Variants in NCAPD3 observed in about 807,000 individuals in gnomAD.
NCAPD3 encodes non-SMC condensin II complex subunit D3, also known as condensin-2 complex subunit D3.
NCAPD3 carries 105 observed loss-of-function variants against 182.9 expected under a neutral mutation model. That is an observed-to-expected ratio of 0.57 (90% CI 0.49 to 0.68). The LOEUF (loss-of-function observed/expected upper bound fraction) is 0.68, where lower values mean the gene tolerates loss of function less well. NCAPD3 is among the 30% of genes least tolerant of loss of function. The pLI is 0.00. For synonymous variants in NCAPD3, 815 were observed against 679.9 expected (o/e 1.20, Z -3.09); for missense variants, 1,944 against 1,837.0 (o/e 1.06, Z -1.07).
chr11:134,155,134 C>A (rs1043907977), intron 32 of NCAPD3, among the ~76,000 whole-genome samples: 1 of 152,182 alleles, frequency 6.6e-6, no homozygotes, highest in Non-Finnish European at 1.5e-5. Context: ...GTAACAGGGA[C>A]TTGCTAAAAC....
intron 28 of NCAPD3, among the ~76,000 whole-genome samples, chr11:134,160,527 T>A (rs1210111922): frequency 6.6e-6 from 1 of 152,180 alleles, no homozygotes. Context: ...CTGTCTACAT[T>A]AGCCTCCCCA....
intron 3 of NCAPD3, among the ~76,000 whole-genome samples, chr11:134,211,197 G>A (rs1304181093): frequency 1.3e-5 from 2 of 152,160 alleles, no homozygotes; most frequent in Non-Finnish European, 1.5e-5. Context: ...GGCTAAACCC[G>A]ATATAGCATA....
intron 27 of NCAPD3, among the ~76,000 whole-genome samples, chr11:134,162,108 G>A (rs1220606503): frequency 1.3e-5 from 2 of 152,048 alleles, no homozygotes; most frequent in Non-Finnish European, 2.9e-5. Context: ...GATAGGGTGG[G>A]GACAAATACT....
At chr11:134,176,730 C>A (rs1187118458) in intron 23 of NCAPD3, among the ~76,000 whole-genome samples, 2 of 152,218 alleles carry the variant, frequency 1.3e-5, no homozygotes, top group African/African-American at 2.4e-5. Flanking sequence ...ATAGGCCAAA[C>A]ATGGGCTCTC....
chr11:134,174,906 C>A (rs1944122505), intron 24 of NCAPD3, among the ~76,000 whole-genome samples: 1 of 152,170 alleles, frequency 6.6e-6, no homozygotes, highest in Non-Finnish European at 1.5e-5. Context: ...AGAGAACAGA[C>A]TAACTTAAAT....
At chr11:134,174,467 A>G (rs895843466) in intron 24 of NCAPD3, among the ~76,000 whole-genome samples, 5 of 151,802 alleles carry the variant, frequency 3.3e-5, no homozygotes, top group African/African-American at 4.8e-5. Flanking sequence ...CTAAAAATCA[A>G]AAGTCAGGCA....
At chr11:134,210,192 T>C (rs1490128991) in intron 4 of NCAPD3, 78 bp downstream of exon 4, 10 of 1,290,456 alleles carry the variant, frequency 7.7e-6, no homozygotes, top group African/African-American at 4.5e-5. Flanking sequence ...CCTGAAACCA[T>C]GTTTAGTATA....
chr11:134,156,822 G>C (rs930866115), intron 32 of NCAPD3, 196 bp downstream of exon 32: 2 of 489,230 alleles, frequency 4.1e-6, no homozygotes, highest in African/African-American at 3.9e-5. Context: ...AACGACACTG[G>C]AACAACATAC....
rs1159651225 is a variant in NCAPD3, at chr11:134,152,122, G to A, written c.*822C>T. 1 of 152,268 alleles carries A rather than the reference G, an allele frequency of 6.6e-6. No homozygotes were observed. Among genetic ancestry groups the A allele is most frequent in the East Asian group, 1.9e-4 (1 of 5,202 alleles). 9.4% of individuals were successfully genotyped at this position (152,268 alleles called of 1,614,324 possible). On this transcript the variant is annotated 3_prime_UTR_variant, in exon 35 of 35. Coordinates refer to ENST00000534548, the MANE Select transcript of NCAPD3 (RefSeq NM_015261.3). ...AAAATAGCATTCAGTTTACCCACTA[G>A]TGCTAACAGAAGAGACTCAAGCTGT...
At chr11:134,187,102 C>G (rs1281819092) in intron 16 of NCAPD3, among the ~76,000 whole-genome samples, 1 of 152,200 alleles carries the variant, frequency 6.6e-6, no homozygotes, top group Non-Finnish European at 1.5e-5. Context: ...AGCCTCCCAG[C>G]CCAGCTGAGG....
rs781258004 is a variant in NCAPD3 at position 134,168,937 on chromosome 11, G to C, written c.3219C>G (p.Asn1073Lys). The change falls in exon 25 of 35, where the codon AAC (asparagine) becomes AAG (lysine). Residue 1073 changes from asparagine (N) to lysine (K), a missense_variant. This residue lies in a region of NCAPD3 where 1,803 missense variants were observed against 1,674.6 expected (regional missense o/e 1.08). Transcript: ENST00000534548. ...CTGACCTCTCTGACTGGGGGAACTTGTTGTACTTCTCATGCTTCTCATAGT... is the reference window on the plus strand; with the variant it reads ...CTGACCTCTCTGACTGGGGGAACTTCTTGTACTTCTCATGCTTCTCATAGT... ...FNNYEKHEKY[N>K]KFPQSEREKR... 2 of 1,613,538 alleles carry C rather than the reference G, an allele frequency of 1.2e-6. No homozygotes were observed. Among genetic ancestry groups the C allele is most frequent in the South Asian group, 2.2e-5 (2 of 91,014 alleles).
intron 19 of NCAPD3, among the ~76,000 whole-genome samples, chr11:134,181,521 G>A (rs1944297185): frequency 6.6e-6 from 1 of 152,190 alleles, no homozygotes; most frequent in Admixed American, 6.5e-5. Context: ...CAAAAATACA[G>A]AAATAAGCTG....
At chr11:134,212,044 T>C (rs75445285) in intron 3 of NCAPD3, among the ~76,000 whole-genome samples, 5,695 of 152,182 alleles carry the variant, frequency 0.037, 364 homozygotes, top group African/African-American at 0.13. Context: ...CAACAAAGCA[T>C]AGATAATCCC....
intron 19 of NCAPD3, chr11:134,183,268 G>A (rs530133943): frequency 2.8e-4 from 119 of 419,760 alleles, no homozygotes; most frequent in Non-Finnish European, 5.0e-4. Context: ...AGTCTGTAAC[G>A]TTAATTCCTC....
upstream of NCAPD3, chr11:134,223,974 C>T (rs1225341015): frequency 1.9e-6 from 3 of 1,598,358 alleles, no homozygotes; most frequent in African/African-American, 2.7e-5. Context: ...TTTCAAAGCT[C>T]GCTCCCGCGC....
intron 24 of NCAPD3, among the ~76,000 whole-genome samples, chr11:134,170,268 G>C (rs951784448): frequency 1.1e-4 from 17 of 152,144 alleles, no homozygotes; most frequent in Admixed American, 3.3e-4. Context: ...AGAATTCCTT[G>C]AGACAAAATT....
At chr11:134,154,705 G>A (rs1389774630) in intron 32 of NCAPD3, among the ~76,000 whole-genome samples, 2 of 152,194 alleles carry the variant, frequency 1.3e-5, no homozygotes, top group African/African-American at 4.8e-5. Context: ...CTGCTTGCTG[G>A]TACCACTGAA....
chr11:134,151,622 T>A lies in NCAPD3; in HGVS notation c.*1322A>T, dbSNP rs1943239312. 6.6e-6 allele frequency: 1 copy of A among 152,184 alleles called. No individual in the cohort carries two copies. The highest frequency in any genetic ancestry group is 1.5e-5 in the Non-Finnish European group (1 of 68,048). The allele number at this position is 152,184 out of a possible 1,614,324, so 9.4% of individuals were successfully genotyped here. A position where few individuals can be genotyped will look rare whatever the true frequency, so the allele number is the denominator to read the frequency against. On this transcript the variant is annotated 3_prime_UTR_variant, in exon 35 of 35. Coordinates refer to ENST00000534548, the MANE Select transcript of NCAPD3 (RefSeq NM_015261.3). The stretch of plus-strand genomic sequence containing the variant: ...TTAAGATATGAATGTGACTCAAGAC[T>A]CGAGGCCGATACGAGGCTGTGATTC...
At chr11:134,195,179 C>T (rs1031776736) in intron 13 of NCAPD3, among the ~76,000 whole-genome samples, 39 of 152,320 alleles carry the variant, frequency 2.6e-4, no homozygotes, top group African/African-American at 9.4e-4. Flanking sequence ...TAGCTCACCG[C>T]AATCTCAAAT....
Sources: allele counts gnomAD v4.1 joint callset (sites outside exome capture counted in the v4.1 genomes callset), GRCh38; gene constraint gnomAD v4.1.1; regional missense constraint gnomAD v4.1.1; transcripts MANE v1.5; gene names NCBI Gene and HGNC (gene_info 2026-07-23, HGNC 2026-07-21).